GRM5: variants seen among roughly 807,000 people sequenced by gnomAD.
The protein encoded by GRM5 is metabotropic glutamate receptor 5.
Under a neutral mutation model 83.1 loss-of-function variants are expected in GRM5, and 19 were observed. The observed-to-expected ratio is 0.23, with a 90% CI of 0.16 to 0.34. The LOEUF is 0.34. Among genes scored for constraint, GRM5 ranks in the 10% least tolerant of loss-of-function variants. GRM5 has a pLI of 1.00. For synonymous variants in GRM5, 675 were observed against 633.6 expected (o/e 1.07, Z -0.98); for missense variants, 1,160 against 1,588.3 (o/e 0.73, Z 4.58).
chr11:88,546,514 T>C (rs925016799), intron 8 of GRM5, among the ~76,000 whole-genome samples: 1 of 152,160 alleles, frequency 6.6e-6, no homozygotes, highest in Non-Finnish European at 1.5e-5. Context: ...TAATTATATA[T>C]GTTAAAACTT....
At chr11:88,944,141 G>A (rs1038492719) in intron 2 of GRM5, among the ~76,000 whole-genome samples, 4 of 151,896 alleles carry the variant, frequency 2.6e-5, no homozygotes, top group African/African-American at 9.7e-5. Context: ...ATTAGGCGGG[G>A]GAAATGAGAA....
intron 8 of GRM5, among the ~76,000 whole-genome samples, chr11:88,548,436 C>A (rs945206808): frequency 1.2e-4 from 18 of 152,022 alleles, no homozygotes; most frequent in Non-Finnish European, 1.8e-4. Flanking sequence ...ACATCACATG[C>A]AAATTAAAAA....
chr11:88,653,077 A>G, intron 4 of GRM5, 91 bp downstream of exon 4: 1 of 779,198 alleles, frequency 1.3e-6, no homozygotes, highest in South Asian at 1.7e-5. Context: ...CCTCCCTTGT[A>G]ACATATTACA....
At chr11:89,061,575 A>G (rs1388383039) in intron 1 of GRM5, among the ~76,000 whole-genome samples, 1 of 152,252 alleles carries the variant, frequency 6.6e-6, no homozygotes, top group African/African-American at 2.4e-5. Flanking sequence ...TAAAAATGGT[A>G]TGTAGTTAAT....
chr11:88,976,936 G>C (rs184227630), intron 2 of GRM5, among the ~76,000 whole-genome samples: 45 of 151,844 alleles, frequency 3.0e-4, no homozygotes, highest in Admixed American at 1.0e-3. Flanking sequence ...GTTGGAAAGA[G>C]AAAAAATGAA....
intron 8 of GRM5, among the ~76,000 whole-genome samples, chr11:88,550,525 T>G (rs796632220): frequency 6.6e-6 from 1 of 152,338 alleles, no homozygotes; most frequent in African/African-American, 2.4e-5. Flanking sequence ...GCTAAGAAAC[T>G]TAAATGTGCT....
chr11:89,016,804 T>C (rs1016887491), intron 2 of GRM5, among the ~76,000 whole-genome samples: 9 of 152,274 alleles, frequency 5.9e-5, no homozygotes, highest in Non-Finnish European at 7.4e-5. Context: ...TCTAGTGGGA[T>C]AGGATAAAAC....
chr11:88,909,665 T>A (rs1374276504), intron 2 of GRM5, among the ~76,000 whole-genome samples: 1 of 152,030 alleles, frequency 6.6e-6, no homozygotes, highest in Non-Finnish European at 1.5e-5. Context: ...TTGGCCATCC[T>A]CACTGGTATC....
chr11:88,698,192 G>A (rs1032907478), intron 3 of GRM5, among the ~76,000 whole-genome samples: 3 of 152,070 alleles, frequency 2.0e-5, no homozygotes, highest in Admixed American at 6.6e-5. Context: ...TTTCTCTCAG[G>A]GTAAAGACAA....
intron 3 of GRM5, among the ~76,000 whole-genome samples, chr11:88,801,648 G>A (rs561855901): frequency 2.8e-4 from 43 of 152,132 alleles, no homozygotes; most frequent in African/African-American, 9.2e-4. Flanking sequence ...TGTATTAAGA[G>A]GACAATGTGG....
chr11:88,535,603 CACTTTGAGTTAGGTTATAG>C (rs1320816730), intron 8 of GRM5, among the ~76,000 whole-genome samples: 1 of 152,156 alleles, frequency 6.6e-6, no homozygotes, highest in African/African-American at 2.4e-5. Flanking sequence ...TCATTTAAGC[CACTTTGAGTTAGGTTATAG>C]ACTTTCTGAG....
intron 5 of GRM5, among the ~76,000 whole-genome samples, chr11:88,601,883 C>T (rs1331005620): frequency 7.9e-5 from 12 of 152,122 alleles, no homozygotes; most frequent in Non-Finnish European, 1.6e-4. Context: ...GTACAAGCAG[C>T]TATAGCACCT....
intron 6 of GRM5, among the ~76,000 whole-genome samples, chr11:88,596,487 T>C (rs532432242): frequency 6.6e-6 from 1 of 152,298 alleles, no homozygotes; most frequent in Admixed American, 6.5e-5. Context: ...TCAACTTATT[T>C]CAACTTTCTC....
intron 8 of GRM5, among the ~76,000 whole-genome samples, chr11:88,531,339 T>A (rs936708762): frequency 6.6e-6 from 1 of 152,036 alleles, no homozygotes; most frequent in Admixed American, 6.6e-5. Context: ...GGGGGTTTAA[T>A]CATTAAATAG....
intron 3 of GRM5, among the ~76,000 whole-genome samples, chr11:88,773,706 G>A (rs1025622148): frequency 2.0e-5 from 3 of 152,082 alleles, no homozygotes; most frequent in African/African-American, 7.2e-5. Context: ...TATTAAATAG[G>A]GAATCCTTTC....
intron 3 of GRM5, among the ~76,000 whole-genome samples, chr11:88,700,119 A>C (rs1185026339): frequency 6.6e-6 from 1 of 152,164 alleles, no homozygotes; most frequent in African/African-American, 2.4e-5. Flanking sequence ...GGCTTGGCTG[A>C]TTGATTAGGA....
chr11:88,941,675 C>T (rs558857714), intron 2 of GRM5, among the ~76,000 whole-genome samples: 2 of 151,920 alleles, frequency 1.3e-5, no homozygotes, highest in South Asian at 4.2e-4. Context: ...AATTATTTGG[C>T]CTAACAAATG....
intron 2 of GRM5, among the ~76,000 whole-genome samples, chr11:88,985,211 G>A (rs1358735824): frequency 6.6e-6 from 1 of 151,926 alleles, no homozygotes; most frequent in Non-Finnish European, 1.5e-5. Flanking sequence ...CAATCCTAAA[G>A]GTTAGATGCC....
Position 88,508,435 on chromosome 11 carries a change from T to G in GRM5, c.*157A>C. On this transcript the variant is annotated 3_prime_UTR_variant, in exon 10 of 10. Coordinates refer to ENST00000305447, the MANE Select transcript of GRM5 (RefSeq NM_001143831.3). This position sits in a 1 kb window ranked among gnomAD's most constrained non-coding sequence, Gnocchi z 4.2. ...TTGTCGTCGGTTTCTTCGTCGGTTG[T>G]CATGAGATAGCACTACTGATCTCGT... The G allele has an allele frequency of 3.8e-6, 2 of 520,782 alleles. No homozygotes were observed. Among genetic ancestry groups the G allele is most frequent in the Non-Finnish European group, 6.6e-6 (2 of 302,176 alleles). The allele number at this position is 520,782 out of a possible 1,614,324, so 32.3% of individuals were successfully genotyped here.
Sources: allele counts gnomAD v4.1 joint callset (sites outside exome capture counted in the v4.1 genomes callset), GRCh38; gene constraint gnomAD v4.1.1; non-coding constraint Gnocchi (gnomAD v3.1); transcripts MANE v1.5; gene names NCBI Gene and HGNC (gene_info 2026-07-23, HGNC 2026-07-21).